Variants in KIF2A observed in about 807,000 individuals in gnomAD.
KIF2A encodes kinesin-like protein KIF2A.
KIF2A carries 22 observed loss-of-function variants against 100.2 expected under a neutral mutation model. The observed-to-expected ratio is 0.22, with a 90% CI of 0.16 to 0.31. The LOEUF (loss-of-function observed/expected upper bound fraction) is 0.31, where lower values mean the gene tolerates loss of function less well. Among genes scored for constraint, KIF2A ranks in the 10% least tolerant of loss-of-function variants. KIF2A has a pLI of 1.00. For missense variants in KIF2A, 495 were observed against 898.7 expected (o/e 0.55, Z 5.74); for synonymous variants, 268 against 285.9 (o/e 0.94, Z 0.63).
At chr5:62,325,698 A>C (rs1746340651) in intron 1 of KIF2A, among the ~76,000 whole-genome samples, 2 of 152,238 alleles carry the variant, frequency 1.3e-5, no homozygotes, top group Admixed American at 1.3e-4. Context: ...GTTGGTGGAA[A>C]TGTAAATTAG....
rs537920415 is a variant in KIF2A, at chr5:62,325,023, G to T, written c.64+18487G>T. ...AAAGCAAACAGTCCCATTAAAAAAT[G>T]GGCAAAGGGACACACTTGCTTTCTT... On this transcript the variant is annotated intron_variant, in intron 1 of 20. Coordinates refer to ENST00000407818, the MANE Select transcript of KIF2A (RefSeq NM_001098511.3). Among the ~76,000 whole-genome samples, 49 of 152,268 alleles carry T rather than the reference G, an allele frequency of 3.2e-4. No individual in the cohort carries two copies. In the South Asian group the frequency reaches 8.5e-3, roughly 26 times the overall value.
At chr5:62,332,819 A>G (rs1746722258) in intron 1 of KIF2A, among the ~76,000 whole-genome samples, 1 of 152,230 alleles carries the variant, frequency 6.6e-6, no homozygotes, top group Non-Finnish European at 1.5e-5. Flanking sequence ...AGATTTATAT[A>G]TAGTAAAATC....
intron 18 of KIF2A, among the ~76,000 whole-genome samples, chr5:62,374,824 G>A (rs1179708419): frequency 6.6e-6 from 1 of 152,148 alleles, no homozygotes; most frequent in Admixed American, 6.6e-5. Context: ...CTACTCAGGA[G>A]GCTGAGGGAT....
intron 11 of KIF2A, 105 bp downstream of exon 11, chr5:62,361,634 T>C (rs1267677972): frequency 3.0e-6 from 2 of 665,492 alleles, no homozygotes; most frequent in Non-Finnish European, 5.3e-6. Flanking sequence ...TAATGCTATA[T>C]TAACTGTCTA....
chr5:62,371,023 T>TG (rs1401884136), intron 16 of KIF2A, among the ~76,000 whole-genome samples: 3 of 152,130 alleles, frequency 2.0e-5, no homozygotes, highest in African/African-American at 2.4e-5. Context: ...TCCCAGTACT[T>TG]TGGGAGGCCG....
intron 20 of KIF2A, among the ~76,000 whole-genome samples, chr5:62,384,871 G>A (rs144374446): frequency 1.3e-4 from 20 of 152,266 alleles, no homozygotes; most frequent in African/African-American, 4.6e-4. Flanking sequence ...TGCTGAGCAC[G>A]GTGGCTCATG....
At position 62,385,550 on chromosome 5, in the gene KIF2A, A is replaced by T; in HGVS notation, c.2216A>T (p.Lys739Met). The change falls in exon 21 of 21, where the codon AAG becomes ATG. Residue 739 changes from lysine to methionine, a missense_variant. This residue lies in a region of KIF2A where 58 missense variants were observed against 94.8 expected (regional missense o/e 0.61). Transcript: ENST00000407818. ...CAAGCCAGCAAGCAAATCAACCCGAAGAGACCCCGTGCCCTTTAAACCGGC... is the reference window on the plus strand; with the variant it reads ...CAAGCCAGCAAGCAAATCAACCCGATGAGACCCCGTGCCCTTTAAACCGGC... ...EEQASKQINP[K>M]RPRAL 6.3e-7 allele frequency: 1 copy of T among 1,593,746 alleles called. No homozygotes were observed. Among genetic ancestry groups the T allele is most frequent in the South Asian group, 1.1e-5 (1 of 87,714 alleles).
chr5:62,333,198 G>T (rs1340598098), intron 1 of KIF2A, among the ~76,000 whole-genome samples: 1 of 152,108 alleles, frequency 6.6e-6, no homozygotes, highest in African/African-American at 2.4e-5. Flanking sequence ...ATAAATATTT[G>T]CCAGAACAAT....
At chr5:62,314,389 A>G in intron 1 of KIF2A, among the ~76,000 whole-genome samples, 1 of 152,068 alleles carries the variant, frequency 6.6e-6, no homozygotes, top group Non-Finnish European at 1.5e-5. Flanking sequence ...GGTTGAGCCC[A>G]GGAGTTGGAG....
intron 1 of KIF2A, chr5:62,306,911 G>A (rs1252661210): frequency 9.0e-6 from 2 of 221,406 alleles, no homozygotes; most frequent in African/African-American, 2.3e-5. Flanking sequence ...CCTGCCTCGC[G>A]CTTCCCCTTG....
intron 1 of KIF2A, among the ~76,000 whole-genome samples, chr5:62,337,321 CT>C (rs1035458418): frequency 6.6e-6 from 1 of 151,870 alleles, no homozygotes; most frequent in Non-Finnish European, 1.5e-5. Context: ...GTGAAACCCC[CT>C]CTCTACTAAA....
intron 15 of KIF2A, 138 bp from the exon 16 acceptor site, chr5:62,366,276 T>G: frequency 1.6e-6 from 1 of 642,670 alleles, no homozygotes; most frequent in East Asian, 2.8e-5. Flanking sequence ...CAAATAATCT[T>G]GGAGTTGAGA....
intron 18 of KIF2A, among the ~76,000 whole-genome samples, chr5:62,376,664 G>C (rs1055613103): frequency 2.0e-5 from 3 of 151,558 alleles, no homozygotes; most frequent in Admixed American, 6.6e-5. Flanking sequence ...CAAGTGATCC[G>C]CCCGCCTCAG....
At position 62,352,707 on chromosome 5, in the gene KIF2A, C is replaced by A. The variant is rs759771074; in HGVS notation, c.454C>A (p.Pro152Thr). 1 of 1,609,566 alleles carries A rather than the reference C, an allele frequency of 6.2e-7. No homozygotes were observed. The highest frequency in any genetic ancestry group is 1.3e-5 in the African/African-American group (1 of 74,598). Residue 152 changes from proline to threonine, a missense_variant, in exon 5 of 21, where the codon CCT (proline) becomes ACT (threonine). By Grantham distance (38) the Pro-to-Thr change is conservative (BLOSUM62 -1). Coordinates refer to ENST00000407818, the MANE Select transcript of KIF2A (RefSeq NM_001098511.3). ...AGCTGCAAAAAAGGAATTTGGACCC[C>A]CTTGTATGTAAATTATGTATCAAGG... The part of the protein sequence containing the change: ...VQAAKKEFGP[P>T]SRRKSNCVKE...
intron 1 of KIF2A, among the ~76,000 whole-genome samples, chr5:62,327,010 T>G (rs1009391203): frequency 2.0e-5 from 3 of 152,180 alleles, no homozygotes; most frequent in African/African-American, 7.2e-5. Context: ...GAGGCATTGC[T>G]CCTGTTTTAC....
chr5:62,316,496 T>G (rs2111789598), intron 1 of KIF2A, among the ~76,000 whole-genome samples: 1 of 152,310 alleles, frequency 6.6e-6, no homozygotes, highest in South Asian at 2.1e-4. Context: ...AGTTTGCAAT[T>G]TAGGACTTAA....
intron 8 of KIF2A, 97 bp from the exon 9 acceptor site, chr5:62,358,040 C>A: frequency 3.4e-6 from 3 of 886,372 alleles, no homozygotes; most frequent in Non-Finnish European, 5.0e-6. Context: ...ACAGAACTTA[C>A]TACTTGTATC....
chr5:62,358,918 G>A (rs1161019117), intron 9 of KIF2A, among the ~76,000 whole-genome samples: 1 of 152,168 alleles, frequency 6.6e-6, no homozygotes, highest in Non-Finnish European at 1.5e-5. Flanking sequence ...TGATCTGCCC[G>A]CCTTGGCTTC....
chr5:62,308,191 G>A, intron 1 of KIF2A: 1 of 428,210 alleles, frequency 2.3e-6, no homozygotes, highest in Non-Finnish European at 4.1e-6. Context: ...TAGAGCTTTA[G>A]AAATTACCAA....
Sources: allele counts gnomAD v4.1 joint callset (sites outside exome capture counted in the v4.1 genomes callset), GRCh38; gene constraint gnomAD v4.1.1; regional missense constraint gnomAD v4.1.1; transcripts MANE v1.5; gene names NCBI Gene and HGNC (gene_info 2026-07-23, HGNC 2026-07-21).